The following RABGAP1L variants were observed in gnomAD, a reference collection of about 807,000 sequenced individuals.
RABGAP1L encodes RAB GTPase activating protein 1 like.
In RABGAP1L, 63 loss-of-function variants were observed where a neutral mutation model predicts 137.7. That is an observed-to-expected ratio of 0.46 (90% CI 0.37 to 0.56). The LOEUF (loss-of-function observed/expected upper bound fraction) is 0.56, where lower values mean the gene tolerates loss of function less well. RABGAP1L is among the 20% of genes least tolerant of loss of function. The pLI is 0.00. For missense variants in RABGAP1L, 1,095 were observed against 1,244.0 expected, an observed-to-expected ratio of 0.88 and a Z score of 1.80; for synonymous variants, 431 against 433.7, an observed-to-expected ratio of 0.99 and a Z score of 0.08.
chr1:174,617,379 A>G (rs1671986534), intron 13 of RABGAP1L, among the ~76,000 whole-genome samples: 1 of 152,232 alleles, frequency 6.6e-6, no homozygotes, highest in Non-Finnish European at 1.5e-5. Flanking sequence ...AATATTAACC[A>G]GGCTTTGTAA....
At chr1:174,432,916 A>G (rs980952053) in intron 13 of RABGAP1L, among the ~76,000 whole-genome samples, 1 of 152,196 alleles carries the variant, frequency 6.6e-6, no homozygotes, top group Non-Finnish European at 1.5e-5. Flanking sequence ...AAGTGTTATT[A>G]TTAATTTCCA....
chr1:174,589,539 G>C (rs919445118), intron 13 of RABGAP1L, among the ~76,000 whole-genome samples: 3 of 152,094 alleles, frequency 2.0e-5, no homozygotes, highest in African/African-American at 7.2e-5. Context: ...TGCCCAGCTT[G>C]ATGTCTTTGA....
chr1:174,653,767 A>C (rs989536140), intron 14 of RABGAP1L, among the ~76,000 whole-genome samples: 3 of 152,208 alleles, frequency 2.0e-5, no homozygotes, highest in Non-Finnish European at 4.4e-5. Flanking sequence ...ACTTTCATTT[A>C]AATGTTTTCT....
chr1:174,596,135 C>A (rs1357465269), intron 13 of RABGAP1L, among the ~76,000 whole-genome samples: 1 of 137,290 alleles, frequency 7.3e-6, no homozygotes, highest in Non-Finnish European at 1.5e-5. Flanking sequence ...CGTCCGTCAC[C>A]CCTTTCTTTG....
chr1:174,284,004 T>C (rs927269813), intron 10 of RABGAP1L, among the ~76,000 whole-genome samples: 1 of 152,210 alleles, frequency 6.6e-6, no homozygotes, highest in African/African-American at 2.4e-5. Context: ...AAAAACGGAA[T>C]AGACTTAAGG....
chr1:174,638,630 C>G (rs1167318768), intron 14 of RABGAP1L, among the ~76,000 whole-genome samples: 5 of 145,836 alleles, frequency 3.4e-5, no homozygotes, highest in African/African-American at 7.8e-5. Flanking sequence ...AGACTTGGAA[C>G]CAACCCAAAT....
At chr1:174,713,363 T>C (rs1354834577) in intron 17 of RABGAP1L, among the ~76,000 whole-genome samples, 1 of 152,176 alleles carries the variant, frequency 6.6e-6, no homozygotes, top group African/African-American at 2.4e-5. Flanking sequence ...CTGATATGGT[T>C]TTGATATTTG....
intron 13 of RABGAP1L, among the ~76,000 whole-genome samples, chr1:174,455,587 CT>C (rs1438611000): frequency 6.6e-6 from 1 of 151,876 alleles, no homozygotes; most frequent in Non-Finnish European, 1.5e-5. Flanking sequence ...TAAAGTATAG[CT>C]TTAAGATGTT....
At chr1:174,584,272 G>C (rs969226700) in intron 13 of RABGAP1L, among the ~76,000 whole-genome samples, 2 of 152,124 alleles carry the variant, frequency 1.3e-5, no homozygotes, top group Non-Finnish European at 2.9e-5. Context: ...AATTATCTCT[G>C]AGATCTGTAC....
At chr1:174,232,439 C>G (rs1670745738) in intron 4 of RABGAP1L, among the ~76,000 whole-genome samples, 1 of 149,798 alleles carries the variant, frequency 6.7e-6, no homozygotes, top group Non-Finnish European at 1.5e-5. Flanking sequence ...GAGCCGAGAT[C>G]ATGCCACTGC....
At chr1:174,216,312 T>C (rs1330057876) in intron 1 of RABGAP1L, among the ~76,000 whole-genome samples, 1 of 152,196 alleles carries the variant, frequency 6.6e-6, no homozygotes, top group African/African-American at 2.4e-5. Context: ...GAATTGCTTC[T>C]AACACAAAGG....
chr1:174,692,671 T>G (rs1678955006), intron 15 of RABGAP1L, among the ~76,000 whole-genome samples: 1 of 152,174 alleles, frequency 6.6e-6, no homozygotes, highest in African/African-American at 2.4e-5. Flanking sequence ...AGTAAAAATT[T>G]TACCTATGCA....
At chr1:174,321,159 G>A (rs1410228545) in intron 11 of RABGAP1L, among the ~76,000 whole-genome samples, 1 of 152,104 alleles carries the variant, frequency 6.6e-6, no homozygotes, top group Admixed American at 6.6e-5. Flanking sequence ...GGCCTATTAG[G>A]ATGAGGAAAT....
intron 13 of RABGAP1L, among the ~76,000 whole-genome samples, chr1:174,616,139 T>C (rs1043623704): frequency 6.6e-6 from 1 of 152,210 alleles, no homozygotes; most frequent in African/African-American, 2.4e-5. Flanking sequence ...GTACCTCAGA[T>C]GGAAATGCAG....
Position 174,576,552 on chromosome 1 carries a change from G to A in RABGAP1L, c.1711-60823G>A, listed in dbSNP as rs143385034. ...GCATTGTCTTTACACAATCCTGCATGCAATTTTATATTTACAATAATCAGA... is the reference window on the plus strand; with the variant it reads ...GCATTGTCTTTACACAATCCTGCATACAATTTTATATTTACAATAATCAGA... On this transcript the variant is annotated intron_variant, in intron 13 of 25. Coordinates refer to ENST00000681986, the MANE Select transcript of RABGAP1L (RefSeq NM_001366446.1). 6.7e-4 allele frequency among the ~76,000 whole-genome samples: 102 copies of A among 152,264 alleles called. 1 individual carries two copies. Among genetic ancestry groups the A allele is most frequent in the African/African-American group, 2.3e-3 (94 of 41,548 alleles).
intron 17 of RABGAP1L, among the ~76,000 whole-genome samples, chr1:174,714,261 C>T (rs1680823220): frequency 6.6e-6 from 1 of 152,108 alleles, no homozygotes; most frequent in African/African-American, 2.4e-5. Flanking sequence ...AGAAATTTTC[C>T]CTGATCACCC....
chr1:174,603,410 C>G (rs1205323851), intron 13 of RABGAP1L, among the ~76,000 whole-genome samples: 1 of 152,126 alleles, frequency 6.6e-6, no homozygotes, highest in African/African-American at 2.4e-5. Flanking sequence ...AGACCCGAAT[C>G]CAGCACAGTA....
chr1:174,895,709 T>C (rs1426909523), intron 19 of RABGAP1L, among the ~76,000 whole-genome samples: 13 of 152,150 alleles, frequency 8.5e-5, no homozygotes, highest in Non-Finnish European at 1.8e-4. Flanking sequence ...TTTTTGTCCT[T>C]GTGATAGTTT....
intron 19 of RABGAP1L, among the ~76,000 whole-genome samples, chr1:174,859,482 C>CAAAAAAAAAAAAAGAAAAA (rs35464065): frequency 7.5e-6 from 1 of 133,670 alleles, no homozygotes; most frequent in Admixed American, 7.5e-5. Context: ...GACTCCATCT[C>CAAAAAAAAAAAAAGAAAAA]AAAAAAAAAG....
Sources: gnomAD v4.1 joint callset for allele counts (sites outside exome capture counted in the v4.1 genomes callset) on GRCh38, gnomAD v4.1.1 for gene constraint, MANE v1.5 for transcripts, NCBI Gene and HGNC (gene_info 2026-07-23, HGNC 2026-07-21) for gene names.